The following TOR1B variants were observed in gnomAD, a reference collection of about 807,000 sequenced individuals.
TOR1B encodes the protein torsin family 1 member B, also known as torsin-1B.
In TOR1B, 14 loss-of-function variants were observed where a neutral mutation model predicts 29.2. That is an observed-to-expected ratio of 0.48 (90% CI 0.32 to 0.75). The LOEUF (loss-of-function observed/expected upper bound fraction) is 0.75. Among genes scored for constraint, TOR1B ranks in the 30% least tolerant of loss-of-function variants. The probability of loss-of-function intolerance (pLI) is 0.04; values close to 1 mark genes in which losing one functional copy is unlikely to be tolerated. For synonymous variants in TOR1B, 166 were observed against 179.8 expected (o/e 0.92, Z 0.62); for missense variants, 400 against 433.9 (o/e 0.92, Z 0.69).
intron 3 of TOR1B, among the ~76,000 whole-genome samples, chr9:129,808,618 C>G (rs539565173): frequency 7.5e-6 from 1 of 133,864 alleles, no homozygotes; most frequent in Non-Finnish European, 1.5e-5. Flanking sequence ...GGCATGATCT[C>G]GGCTCGCTGC....
chr9:129,809,687 C>A lies in TOR1B; in HGVS notation c.*104C>A. 1 of 1,537,184 alleles carries A rather than the reference C, an allele frequency of 6.5e-7. No individual in the cohort carries two copies. The highest frequency in any genetic ancestry group is 1.4e-5 in the African/African-American group (1 of 72,242). On this transcript the variant is annotated 3_prime_UTR_variant, in exon 5 of 5. Coordinates refer to ENST00000259339, the MANE Select transcript of TOR1B (RefSeq NM_014506.3). ...ACCGCTTTGGGGTTTTGCCTGTTTG[C>A]ACCTTAGACTTTTGGGTATAGAATC...
rs34803368 is a variant in TOR1B at position 129,804,836 on chromosome 9, CAA to C, written c.465+517_465+518del. Among the ~76,000 whole-genome samples, 9 of 50,368 alleles carry C rather than the reference CAA, an allele frequency of 1.8e-4. 1 individual carries two copies. Among genetic ancestry groups the C allele is most frequent in the Admixed American group, 8.2e-4 (3 of 3,660 alleles). The allele number at this position is 50,368 out of a possible 152,430, so 33.0% of individuals were successfully genotyped here. The stretch of plus-strand genomic sequence containing the variant: ...GAGATCGCGCCACCGTACTCGGTCT[CAA>C]AAAAAAAAAAAAAAAAAAGGCCTGG... On this transcript the variant is annotated intron_variant, in intron 2 of 4. Transcript: ENST00000259339.
Position 129,804,215 on chromosome 9 carries a change from C to G in TOR1B, c.342C>G (p.Gly114=). Residue 114 remains glycine (G), a synonymous_variant, in exon 2 of 5, where the codon GGC becomes GGG. Coordinates refer to ENST00000259339, the MANE Select transcript of TOR1B (RefSeq NM_014506.3). ...CCTTACACGGCTGGGCTGGCACAGG[C>G]AAGAATTTTGTCAGTCAAATTGTGG... ...TLSLHGWAGT[G]KNFVSQIVAE... is the part of the protein sequence containing the mutation. 2 of 1,614,142 alleles carry G rather than the reference C, an allele frequency of 1.2e-6. No individual in the cohort carries two copies. Among genetic ancestry groups the G allele is most frequent in the East Asian group, 4.5e-5 (2 of 44,882 alleles).
At position 129,809,742 on chromosome 9, in the gene TOR1B, A is replaced by T. The variant is rs1270057744; in HGVS notation, c.*159A>T. The T allele has an allele frequency of 1.4e-6, 2 of 1,432,216 alleles. No homozygotes were observed. The highest frequency in any genetic ancestry group is 1.8e-6 in the Non-Finnish European group (2 of 1,098,578). 88.7% of individuals were successfully genotyped at this position (1,432,216 alleles called of 1,614,324 possible). ...TTTTGAGAAGAGGTCTCACTCCGTCATCCAAGCTGGAGTGCAGTGGTGCAA... is the reference window on the plus strand; with the variant it reads ...TTTTGAGAAGAGGTCTCACTCCGTCTTCCAAGCTGGAGTGCAGTGGTGCAA... On this transcript the variant is annotated 3_prime_UTR_variant, in exon 5 of 5. Transcript: ENST00000259339.
intron 2 of TOR1B, among the ~76,000 whole-genome samples, chr9:129,804,730 C>T (rs2030371412): frequency 6.6e-6 from 1 of 151,330 alleles, no homozygotes; most frequent in Non-Finnish European, 1.5e-5. Flanking sequence ...AGCACGGTGG[C>T]ACGCACCTGT....
At chr9:129,805,007 G>A (rs2030392051) in intron 2 of TOR1B, among the ~76,000 whole-genome samples, 1 of 147,230 alleles carries the variant, frequency 6.8e-6, no homozygotes, top group Admixed American at 6.8e-5. Context: ...GGATGGTGGC[G>A]GGCACCTGTT....
Position 129,803,266 on chromosome 9 carries a change from G to A in TOR1B, c.54G>A (p.Ala18=). The A allele has an allele frequency of 1.3e-6, 2 of 1,561,432 alleles. No homozygotes were observed. Among genetic ancestry groups the A allele is most frequent in the African/African-American group, 2.8e-5 (2 of 70,850 alleles). ...CGGCGGCGCTGGCGCTGCTGCTGGC[G>A]GCCCGAGTGGTGGCGGCGTTCGAGC... ...RGAAALALLL[A]ARVVAAFEPI... The change falls in exon 1 of 5, where the codon GCG becomes GCA. Residue 18 remains alanine, a synonymous_variant. Coordinates refer to ENST00000259339, the MANE Select transcript of TOR1B (RefSeq NM_014506.3).
chr9:129,805,210 T>C (rs1266283965), intron 2 of TOR1B, among the ~76,000 whole-genome samples: 1 of 151,532 alleles, frequency 6.6e-6, no homozygotes, highest in African/African-American at 2.4e-5. Flanking sequence ...CCCAGCACTT[T>C]GGGATCCGCC....
rs2030757140 is a variant in TOR1B, at chr9:129,810,093, A to G, written c.*510A>G. 14 of 1,272,608 alleles carry G rather than the reference A, an allele frequency of 1.1e-5. No individual in the cohort carries two copies. Among genetic ancestry groups the G allele is most frequent in the Non-Finnish European group, 1.4e-5 (14 of 967,480 alleles). The allele number at this position is 1,272,608 out of a possible 1,614,324, so 78.8% of individuals were successfully genotyped here. On this transcript the variant is annotated 3_prime_UTR_variant, in exon 5 of 5. Transcript: ENST00000259339. The stretch of plus-strand genomic sequence containing the variant: ...CCACAGCACCCGCGCCTCAGAAGCT[A>G]CGGTCACAACTAAAGGAGTCCAGGG...
Position 129,810,559 on chromosome 9 carries a change from C to A in TOR1B, c.*976C>A. ...AACCATATATCATAGAGTTGAATCA[C>A]AATGAGACCGTTGGCTTTGAATTTG... On this transcript the variant is annotated 3_prime_UTR_variant, in exon 5 of 5. Coordinates refer to ENST00000259339, the MANE Select transcript of TOR1B (RefSeq NM_014506.3). 2 of 517,344 alleles carry A rather than the reference C, an allele frequency of 3.9e-6. No individual in the cohort carries two copies. The highest frequency in any genetic ancestry group is 5.4e-5 in the South Asian group (1 of 18,590). 32.0% of individuals were successfully genotyped at this position (517,344 alleles called of 1,614,324 possible).
chr9:129,810,073 G>A lies in TOR1B; in HGVS notation c.*490G>A. ...GCCCGGCAATAGCTTCTGACCCACAGCACCCGCGCCTCAGAAGCTACGGTC... is the reference window on the plus strand; with the variant it reads ...GCCCGGCAATAGCTTCTGACCCACAACACCCGCGCCTCAGAAGCTACGGTC... On this transcript the variant is annotated 3_prime_UTR_variant, in exon 5 of 5. Transcript: ENST00000259339. 1 of 1,250,936 alleles carries A rather than the reference G, an allele frequency of 8.0e-7. No individual in the cohort carries two copies. The allele number at this position is 1,250,936 out of a possible 1,614,324, so 77.5% of individuals were successfully genotyped here.
rs191156923 is a variant in TOR1B, at chr9:129,810,011, C to T, written c.*428C>T. ...TCCCCTTCACACTTAATGTACTGAC[C>T]GAGACAGAAGTACCTGAAAACAGCT... On this transcript the variant is annotated 3_prime_UTR_variant, in exon 5 of 5. Transcript: ENST00000259339. The T allele has an allele frequency of 6.5e-4, 781 of 1,195,968 alleles. 2 individuals are homozygous for T. The African/African-American group carries it at 0.011, about 17-fold the overall frequency. 74.1% of individuals were successfully genotyped at this position (1,195,968 alleles called of 1,614,324 possible).
chr9:129,805,063 G>C (rs1260515481), intron 2 of TOR1B, among the ~76,000 whole-genome samples: 2 of 151,762 alleles, frequency 1.3e-5, no homozygotes, highest in Admixed American at 6.6e-5. Flanking sequence ...GCCTGAACCC[G>C]GGAGGCGGAG....
At chr9:129,807,046 C>T (rs1337320778) in intron 2 of TOR1B, 142 bp from the exon 3 acceptor site, 2 of 693,140 alleles carry the variant, frequency 2.9e-6, no homozygotes, top group Non-Finnish European at 4.8e-6. Context: ...AGAAAAGCTG[C>T]TACCTAGCGA....
intron 3 of TOR1B, among the ~76,000 whole-genome samples, 191 bp downstream of exon 3, chr9:129,807,554 T>G (rs2030568178): frequency 6.6e-6 from 1 of 152,078 alleles, no homozygotes; most frequent in Admixed American, 6.6e-5. Context: ...GGAAATGAAC[T>G]AAAGAAATAA....
intron 3 of TOR1B, among the ~76,000 whole-genome samples, 186 bp downstream of exon 3, chr9:129,807,549 T>C (rs1024545235): frequency 6.6e-6 from 1 of 152,056 alleles, no homozygotes; most frequent in Non-Finnish European, 1.5e-5. Context: ...GTTGTGGAAA[T>C]GAACTAAAGA....
In TOR1B at chr9:129,809,892, G is replaced by A; in HGVS notation, c.*309G>A. The A allele has an allele frequency of 7.9e-7, 1 of 1,260,372 alleles. No individual in the cohort carries two copies. Among genetic ancestry groups the A allele is most frequent in the Non-Finnish European group, 1.0e-6 (1 of 990,388 alleles). The allele number at this position is 1,260,372 out of a possible 1,614,324, so 78.1% of individuals were successfully genotyped here. A position where few individuals can be genotyped will look rare whatever the true frequency, so the allele number is the denominator to read the frequency against. Reference sequence around the variant, plus strand: ...GGGATATAGAATCTAAGAGTTGATTGTGGAAAACACGTGAATCTATTGCGC... The same window carrying A: ...GGGATATAGAATCTAAGAGTTGATTATGGAAAACACGTGAATCTATTGCGC... On this transcript the variant is annotated 3_prime_UTR_variant, in exon 5 of 5. Coordinates refer to ENST00000259339, the MANE Select transcript of TOR1B (RefSeq NM_014506.3).
rs2030763421 is a variant in TOR1B at position 129,810,172 on chromosome 9, A to C, written c.*589A>C. The stretch of plus-strand genomic sequence containing the variant: ...GGTTCTCACCAGCAGGCTGCGGGGC[A>C]CTGTGTTCTCATTGGCCAAAAACAT... On this transcript the variant is annotated 3_prime_UTR_variant, in exon 5 of 5. Transcript: ENST00000259339. 2.3e-6 allele frequency: 3 copies of C among 1,304,034 alleles called. No homozygotes were observed. In the East Asian group the frequency reaches 1.7e-4, roughly 72 times the overall value. The allele number at this position is 1,304,034 out of a possible 1,614,324, so 80.8% of individuals were successfully genotyped here. A position where few individuals can be genotyped will look rare whatever the true frequency, so the allele number is the denominator to read the frequency against.
intron 3 of TOR1B, among the ~76,000 whole-genome samples, chr9:129,808,075 CTG>C (rs1193854674): frequency 6.6e-6 from 1 of 151,984 alleles, no homozygotes; most frequent in Admixed American, 6.6e-5. Flanking sequence ...ATTTTATTAA[CTG>C]TGCATGTTGG....
Sources: gnomAD v4.1 joint callset for allele counts (sites outside exome capture counted in the v4.1 genomes callset) on GRCh38, gnomAD v4.1.1 for gene constraint, MANE v1.5 for transcripts, NCBI Gene and HGNC (gene_info 2026-07-23, HGNC 2026-07-21) for gene names.